Variants in ANKRD18B observed in about 807,000 individuals in gnomAD.
ANKRD18B encodes ankyrin repeat domain-containing protein 18B.
A neutral mutation model predicts 111.8 loss-of-function variants in ANKRD18B; 75 were observed. The observed-to-expected ratio is 0.67, with a 90% CI of 0.56 to 0.81. The LOEUF (loss-of-function observed/expected upper bound fraction) is 0.81. ANKRD18B is among the 40% of genes least tolerant of loss of function. The pLI, the probability that ANKRD18B is intolerant of heterozygous loss-of-function variation, is 0.00. For missense variants in ANKRD18B, 1,038 were observed against 1,225.5 expected (o/e 0.85, Z 2.28); for synonymous variants, 356 against 417.3 (o/e 0.85, Z 1.79).
rs1828730781 is a variant in ANKRD18B at position 33,569,108 on chromosome 9, A to G, written c.3177+215A>G. The G allele has an allele frequency of 2.1e-5, 9 of 437,454 alleles. No individual in the cohort carries two copies. In the South Asian group the frequency reaches 4.5e-4, roughly 22 times the overall value. The allele number at this position is 437,454 out of a possible 1,614,324, so 27.1% of individuals were successfully genotyped here. ...GACACCCATTTGCTAACTTTATTCA[A>G]TAAATGTGGTTAAACTGACACATTT... On this transcript the variant is annotated intron_variant, in intron 17 of 18. Coordinates refer to ENST00000684830, the MANE Select transcript of ANKRD18B (RefSeq NM_001393611.1).
At chr9:33,527,085 C>T (rs1178276383) in intron 1 of ANKRD18B, among the ~76,000 whole-genome samples, 10 of 152,178 alleles carry the variant, frequency 6.6e-5, no homozygotes, top group Non-Finnish European at 1.3e-4. Flanking sequence ...GACTTAATCT[C>T]ATTGAAGCTT....
chr9:33,545,004 G>A (rs1284578375), intron 10 of ANKRD18B, among the ~76,000 whole-genome samples: 1 of 152,184 alleles, frequency 6.6e-6, no homozygotes, highest in Non-Finnish European at 1.5e-5. Flanking sequence ...CTGATGGTGA[G>A]GAAGCAGATG....
Position 33,572,128 on chromosome 9 carries a change from A to T in ANKRD18B, c.3224-188A>T, listed in dbSNP as rs1036948056. Reference sequence around the variant, plus strand: ...ATGAATGAAGAATGAAAAAGCTGTGATATTTAACCACAATTAGAATTAGTG... The same window carrying T: ...ATGAATGAAGAATGAAAAAGCTGTGTTATTTAACCACAATTAGAATTAGTG... On this transcript the variant is annotated intron_variant, in intron 18 of 18. Transcript: ENST00000684830. 3 of 577,642 alleles carry T rather than the reference A, an allele frequency of 5.2e-6. No homozygotes were observed. In the African/African-American group the frequency reaches 5.7e-5, roughly 11 times the overall value. The allele number at this position is 577,642 out of a possible 1,614,324, so 35.8% of individuals were successfully genotyped here. A position where few individuals can be genotyped will look rare whatever the true frequency, so the allele number is the denominator to read the frequency against.
At chr9:33,531,028 G>A (rs1279014325) in intron 3 of ANKRD18B, among the ~76,000 whole-genome samples, 5 of 152,068 alleles carry the variant, frequency 3.3e-5, no homozygotes, top group Non-Finnish European at 5.9e-5. Context: ...ATCTCAGTAT[G>A]TCTGTTAAGG....
intron 14 of ANKRD18B, among the ~76,000 whole-genome samples, chr9:33,561,045 A>G (rs1367647278): frequency 1.3e-5 from 2 of 152,218 alleles, no homozygotes; most frequent in Admixed American, 6.5e-5. Context: ...TTTGTGGAGT[A>G]TATACTTATG....
chr9:33,548,788 T>A lies in ANKRD18B; in HGVS notation c.2000T>A (p.Leu667Ter). ...EDLLEERNKELMNEYNYLKEK... is the reference protein window; with the variant it reads ...EDLLEERNKE ...CTTCTAGAAGAAAGAAATAAGGAAT[T>A]AATGAATGAATATAATTATTTAAAA... The change falls in exon 11 of 19, where the codon TTA (leucine) becomes TAA (stop). Residue 667 changes from leucine (L) to a stop codon, truncating the protein, a stop_gained. Transcript: ENST00000684830. LOFTEE classifies it high-confidence loss of function. The A allele has an allele frequency of 1.3e-6, 2 of 1,540,850 alleles. No homozygotes were observed. Among genetic ancestry groups the A allele is most frequent in the Non-Finnish European group, 1.7e-6 (2 of 1,143,088 alleles).
chr9:33,547,868 C>T, intron 10 of ANKRD18B, 70 bp from the exon 11 acceptor site: 1 of 1,130,654 alleles, frequency 8.8e-7, no homozygotes, highest in South Asian at 2.3e-5. Context: ...ATAGGTTGCT[C>T]TTTCACTTCA....
chr9:33,559,772 CA>C (rs1347529691), intron 14 of ANKRD18B, among the ~76,000 whole-genome samples: 1 of 152,072 alleles, frequency 6.6e-6, no homozygotes, highest in Non-Finnish European at 1.5e-5. Flanking sequence ...TCACTAGTAC[CA>C]AATAAATTTT....
intron 14 of ANKRD18B, among the ~76,000 whole-genome samples, chr9:33,559,952 T>G (rs906712994): frequency 3.9e-5 from 6 of 152,182 alleles, no homozygotes; most frequent in African/African-American, 1.4e-4. Context: ...TTAGCTATCT[T>G]CACTAGTTTT....
intron 9 of ANKRD18B, among the ~76,000 whole-genome samples, chr9:33,542,226 C>A (rs1278643963): frequency 1.3e-5 from 2 of 149,612 alleles, no homozygotes; most frequent in Non-Finnish European, 3.0e-5. Context: ...GATAGACATG[C>A]AAAGACCTGA....
chr9:33,537,103 C>A (rs1443538963), intron 6 of ANKRD18B, among the ~76,000 whole-genome samples, 158 bp downstream of exon 6: 3 of 151,984 alleles, frequency 2.0e-5, no homozygotes, highest in African/African-American at 7.3e-5. Flanking sequence ...TTGAGACCAG[C>A]CTGGCTAACA....
intron 6 of ANKRD18B, among the ~76,000 whole-genome samples, chr9:33,539,054 A>G (rs1364910777): frequency 1.3e-5 from 2 of 152,236 alleles, no homozygotes; most frequent in Non-Finnish European, 2.9e-5. Flanking sequence ...CAGAGTTTTT[A>G]AGAAAAATAT....
chr9:33,539,712 T>C (rs1680285857), intron 7 of ANKRD18B, among the ~76,000 whole-genome samples: 1 of 152,206 alleles, frequency 6.6e-6, no homozygotes, highest in Non-Finnish European at 1.5e-5. Context: ...AGACTTCTAA[T>C]AGTATAGAAA....
At chr9:33,554,109 A>G (rs113264473) in intron 12 of ANKRD18B, among the ~76,000 whole-genome samples, 2 of 151,548 alleles carry the variant, frequency 1.3e-5, no homozygotes, top group East Asian at 3.9e-4. Context: ...GAAAAAACGG[A>G]CAAAATATAC....
chr9:33,540,224 A>G lies in ANKRD18B; in HGVS notation c.997+12A>G, dbSNP rs1373661156. The G allele has an allele frequency of 1.3e-5, 2 of 151,110 alleles. No individual in the cohort carries two copies. The highest frequency in any genetic ancestry group is 4.9e-5 in the African/African-American group (2 of 41,034). The allele number at this position is 151,110 out of a possible 1,614,324, so 9.4% of individuals were successfully genotyped here. A position where few individuals can be genotyped will look rare whatever the true frequency, so the allele number is the denominator to read the frequency against. ...GCGACCATGCCCAGGTAATTTTTGTATTTTTAGTAGAGACAGGGTTTCACC... is the reference window on the plus strand; with the variant it reads ...GCGACCATGCCCAGGTAATTTTTGTGTTTTTAGTAGAGACAGGGTTTCACC... On this transcript the variant is annotated intron_variant, in intron 8 of 18. Coordinates refer to ENST00000684830, the MANE Select transcript of ANKRD18B (RefSeq NM_001393611.1).
At chr9:33,530,397 G>A (rs921278430) in intron 3 of ANKRD18B, among the ~76,000 whole-genome samples, 1 of 152,090 alleles carries the variant, frequency 6.6e-6, no homozygotes. Flanking sequence ...CTTGAGCCTA[G>A]GAGTTTGAGT....
chr9:33,565,263 A>T (rs1299584995), intron 14 of ANKRD18B, among the ~76,000 whole-genome samples: 2 of 152,208 alleles, frequency 1.3e-5, no homozygotes, highest in Non-Finnish European at 2.9e-5. Flanking sequence ...TCATTTGAAG[A>T]GGGTGTCCTT....
chr9:33,535,149 C>T lies in ANKRD18B; in HGVS notation c.740+642C>T, dbSNP rs376479787. 1.1e-3 allele frequency among the ~76,000 whole-genome samples: 165 copies of T among 152,052 alleles called. 1 individual carries two copies. Among genetic ancestry groups the T allele is most frequent in the African/African-American group, 3.8e-3 (156 of 41,466 alleles). Reference sequence around the variant, plus strand: ...TCTGTTGTTTCCATTGATTCACTTGCTGTATTGCTGCCATTGTAACTGGTC... The same window carrying T: ...TCTGTTGTTTCCATTGATTCACTTGTTGTATTGCTGCCATTGTAACTGGTC... On this transcript the variant is annotated intron_variant, in intron 5 of 18. Transcript: ENST00000684830.
At chr9:33,558,454 T>G (rs548190594) in intron 14 of ANKRD18B, among the ~76,000 whole-genome samples, 2 of 152,162 alleles carry the variant, frequency 1.3e-5, no homozygotes, top group South Asian at 4.2e-4. Flanking sequence ...CAGTGTTTGG[T>G]TTTTTGTTCC....
Sources: allele counts gnomAD v4.1 joint callset (sites outside exome capture counted in the v4.1 genomes callset), GRCh38; gene constraint gnomAD v4.1.1; transcripts MANE v1.5; gene names NCBI Gene and HGNC (gene_info 2026-07-23, HGNC 2026-07-21).